The following SH3RF3 variants were observed in gnomAD, a reference collection of about 807,000 sequenced individuals.
The protein encoded by SH3RF3 is SH3 domain containing ring finger 3, also known as E3 ubiquitin-protein ligase SH3RF3.
Under a neutral mutation model 66.3 loss-of-function variants are expected in SH3RF3, and 29 were observed. The ratio of observed to expected loss-of-function variants is 0.44; its 90% confidence interval spans 0.33 to 0.60. The LOEUF (loss-of-function observed/expected upper bound fraction) is 0.60, where lower values mean the gene tolerates loss of function less well. Among genes scored for constraint, SH3RF3 ranks in the 20% least tolerant of loss-of-function variants. The probability of loss-of-function intolerance (pLI) is 0.04; values close to 1 mark genes in which losing one functional copy is unlikely to be tolerated. For missense variants in SH3RF3, 1,194 were observed against 1,190.9 expected, an observed-to-expected ratio of 1.00 and a Z score of -0.04; for synonymous variants, 583 against 532.0, an observed-to-expected ratio of 1.10 and a Z score of -1.32.
chr2:109,450,115 G>A (rs1397079065), intron 8 of SH3RF3, among the ~76,000 whole-genome samples: 1 of 152,220 alleles, frequency 6.6e-6, no homozygotes, highest in Non-Finnish European at 1.5e-5. Flanking sequence ...GGAGGCTGAG[G>A]CGGGCGGATC....
chr2:109,374,805 A>T (rs1017960945), intron 3 of SH3RF3, among the ~76,000 whole-genome samples: 2 of 152,204 alleles, frequency 1.3e-5, no homozygotes, highest in African/African-American at 4.8e-5. Flanking sequence ...TATGGGGTTC[A>T]CCGAGGGACT....
chr2:109,423,866 C>T (rs1165534661), intron 5 of SH3RF3, among the ~76,000 whole-genome samples: 2 of 152,170 alleles, frequency 1.3e-5, no homozygotes, highest in African/African-American at 4.8e-5. Context: ...GCCGCCTGCA[C>T]CTCTAGAGAG....
intron 2 of SH3RF3, among the ~76,000 whole-genome samples, chr2:109,371,381 C>T (rs1439495748): frequency 6.6e-6 from 1 of 152,170 alleles, no homozygotes; most frequent in Non-Finnish European, 1.5e-5. Flanking sequence ...CAGAGCGAGA[C>T]TCCGCCCCTC....
chr2:109,358,145 A>C (rs917995777), intron 2 of SH3RF3, among the ~76,000 whole-genome samples: 1 of 152,162 alleles, frequency 6.6e-6, no homozygotes, highest in African/African-American at 2.4e-5. Flanking sequence ...AAATCATACA[A>C]TATGTAGCCT....
chr2:109,207,574 A>G (rs1678871041), intron 1 of SH3RF3, among the ~76,000 whole-genome samples: 1 of 152,226 alleles, frequency 6.6e-6, no homozygotes, highest in South Asian at 2.1e-4. Context: ...TTTGTGTGCT[A>G]TTAAGATATT....
At chr2:109,249,435 C>T (rs1158043054) in intron 1 of SH3RF3, among the ~76,000 whole-genome samples, 1 of 152,252 alleles carries the variant, frequency 6.6e-6, no homozygotes, top group African/African-American at 2.4e-5. Context: ...ACCCTTCCCT[C>T]CTGCACCAGA....
intron 1 of SH3RF3, among the ~76,000 whole-genome samples, chr2:109,201,604 A>G (rs537741929): frequency 1.1e-4 from 17 of 152,118 alleles, no homozygotes; most frequent in Non-Finnish European, 2.5e-4. Context: ...ATCTGGGACC[A>G]TGCCGGGCCT....
intron 1 of SH3RF3, among the ~76,000 whole-genome samples, chr2:109,300,514 G>T (rs541745709): frequency 6.6e-6 from 1 of 152,086 alleles, no homozygotes; most frequent in Non-Finnish European, 1.5e-5. Flanking sequence ...AAGCCCTTGA[G>T]TGAGGAAAAG....
At chr2:109,317,596 A>C (rs7601974) in intron 1 of SH3RF3, among the ~76,000 whole-genome samples, 47,499 of 152,058 alleles carry the variant, frequency 0.31, 9,209 homozygotes, top group African/African-American at 0.55. Context: ...AGAACAGTCA[A>C]AGTCCACCTT....
intron 8 of SH3RF3, among the ~76,000 whole-genome samples, chr2:109,465,198 C>G (rs1678309871): frequency 6.6e-6 from 1 of 152,140 alleles, no homozygotes; most frequent in East Asian, 1.9e-4. Flanking sequence ...CCAGATGTAC[C>G]ACAGTTTATT....
chr2:109,419,658 T>G lies in SH3RF3; in HGVS notation c.1403+16T>G. ...CCCTCAACGTGTGAGCTGCCCTTTGTGTCTGTCGGGGTCCTGTGCCTGCAG... is the reference window on the plus strand; with the variant it reads ...CCCTCAACGTGTGAGCTGCCCTTTGGGTCTGTCGGGGTCCTGTGCCTGCAG... On this transcript the variant is annotated intron_variant, in intron 5 of 9. Transcript: ENST00000309415. The G allele has an allele frequency of 6.4e-7, 1 of 1,558,608 alleles. No individual in the cohort carries two copies. Among genetic ancestry groups the G allele is most frequent in the Non-Finnish European group, 8.7e-7 (1 of 1,153,800 alleles).
At chr2:109,262,919 G>T (rs1230749514) in intron 1 of SH3RF3, among the ~76,000 whole-genome samples, 1 of 151,948 alleles carries the variant, frequency 6.6e-6, no homozygotes, top group African/African-American at 2.4e-5. Flanking sequence ...TGCAACCTTT[G>T]CCTCCCGGGT....
chr2:109,294,138 AG>A (rs538846554), intron 1 of SH3RF3, among the ~76,000 whole-genome samples: 178 of 152,328 alleles, frequency 1.2e-3, no homozygotes, highest in African/African-American at 3.8e-3. Flanking sequence ...CCATGTAATC[AG>A]TTTACTCTGC....
chr2:109,419,518 T>G lies in SH3RF3; in HGVS notation c.1300-21T>G, dbSNP rs1481828504. ...TGGAGTCTCTGTCTCCTCACTCCTG[T>G]CCCCTCTTGTCTGTTTCCAGGATGT... On this transcript the variant is annotated intron_variant, in intron 4 of 9. Coordinates refer to ENST00000309415, the MANE Select transcript of SH3RF3 (RefSeq NM_001099289.3). The G allele has an allele frequency of 5.1e-6, 8 of 1,573,654 alleles. No homozygotes were observed. The South Asian group carries it at 9.3e-5, about 18-fold the overall frequency.
intron 1 of SH3RF3, among the ~76,000 whole-genome samples, chr2:109,208,268 A>C (rs892525830): frequency 7.2e-5 from 11 of 152,218 alleles, no homozygotes; most frequent in African/African-American, 2.7e-4. Context: ...AGAATTGCAG[A>C]TCCACAGACA....
intron 9 of SH3RF3, among the ~76,000 whole-genome samples, chr2:109,499,163 C>T (rs1339762490): frequency 6.6e-6 from 1 of 152,118 alleles, no homozygotes; most frequent in Non-Finnish European, 1.5e-5. Context: ...CCACAGGAGA[C>T]CTGCACGGAG....
chr2:109,435,657 A>G (rs1476470626), intron 6 of SH3RF3, among the ~76,000 whole-genome samples: 2 of 152,208 alleles, frequency 1.3e-5, no homozygotes, highest in Non-Finnish European at 2.9e-5. Flanking sequence ...GCAGAGGGAA[A>G]GGGTTTTCTG....
chr2:109,430,113 C>T (rs533418373), intron 5 of SH3RF3, among the ~76,000 whole-genome samples: 1 of 152,196 alleles, frequency 6.6e-6, no homozygotes, highest in African/African-American at 2.4e-5. Context: ...ATGAGCCCCC[C>T]ACTCCAGAGG....
At chr2:109,188,939 A>C (rs1261816841) in intron 1 of SH3RF3, among the ~76,000 whole-genome samples, 1 of 152,050 alleles carries the variant, frequency 6.6e-6, no homozygotes, top group Non-Finnish European at 1.5e-5. Context: ...TAATTAAAAA[A>C]AAAACCTGAA....
Sources: gnomAD v4.1 joint callset for allele counts (sites outside exome capture counted in the v4.1 genomes callset) on GRCh38, gnomAD v4.1.1 for gene constraint, MANE v1.5 for transcripts, NCBI Gene and HGNC (gene_info 2026-07-23, HGNC 2026-07-21) for gene names.